C1QL2: variants seen among roughly 807,000 people sequenced by gnomAD.
C1QL2 encodes complement C1q-like protein 2.
Under a neutral mutation model 16.6 loss-of-function variants are expected in C1QL2, and 13 were observed. The observed-to-expected ratio is 0.78, with a 90% CI of 0.51 to 1.25. The LOEUF is 1.25. C1QL2 is among the 50% of genes most tolerant of loss of function. The probability of loss-of-function intolerance (pLI) is 0.00; values close to 1 mark genes in which losing one functional copy is unlikely to be tolerated. For synonymous variants in C1QL2, 210 were observed against 183.2 expected (o/e 1.15, Z -1.18); for missense variants, 396 against 409.6 (o/e 0.97, Z 0.29).
Position 119,158,738 on chromosome 2 carries a change from C to T in C1QL2, c.-469G>A, listed in dbSNP as rs1419747249. 6.6e-6 allele frequency: 1 copy of T among 152,160 alleles called. No individual in the cohort carries two copies. The highest frequency in any genetic ancestry group is 2.0e-4 in the East Asian group (1 of 5,128). The allele number at this position is 152,160 out of a possible 1,614,324, so 9.4% of individuals were successfully genotyped here. On this transcript the variant is annotated 5_prime_UTR_variant, in exon 1 of 2. Coordinates refer to ENST00000272520, the MANE Select transcript of C1QL2 (RefSeq NM_182528.4). ...CTAGCGCAGTGAGGGCGCCCCGGCT[C>T]CGCGGCGCGCTCTGCTGTGCTCTCT...
chr2:119,158,097 G>A lies in C1QL2; in HGVS notation c.173C>T (p.Ala58Val), dbSNP rs984209401. 9 of 1,529,892 alleles carry A rather than the reference G, an allele frequency of 5.9e-6. No homozygotes were observed. The highest frequency in any genetic ancestry group is 7.9e-6 in the Non-Finnish European group (9 of 1,139,562). 94.8% of individuals were successfully genotyped at this position (1,529,892 alleles called of 1,614,324 possible). Residue 58 changes from alanine (A) to valine (V), a missense_variant, in exon 1 of 2, where the codon GCC (alanine) becomes GTC (valine). Physicochemically the swap from Ala to Val is moderately conservative, Grantham distance 64. This residue lies in a region of C1QL2 where 353 missense variants were observed against 334.8 expected (regional missense o/e 1.05). Coordinates refer to ENST00000272520, the MANE Select transcript of C1QL2 (RefSeq NM_182528.4). ...KAQPPGPSTA[A>V]LEVMQDLSAN... ...GCTGAGGTCCTGCATGACTTCCAGG[G>A]CGGCGGTGCTGGGTCCGGGTGGCTG...
At chr2:119,157,465 C>T (rs1276711852) in intron 1 of C1QL2, 121 bp downstream of exon 1, 6 of 1,219,170 alleles carry the variant, frequency 4.9e-6, no homozygotes, top group South Asian at 1.4e-5. Context: ...GGCACCGAGG[C>T]GCGTTCATTC....
At position 119,158,240 on chromosome 2, in the gene C1QL2, C is replaced by A. The variant is rs1484314047; in HGVS notation, c.30G>T (p.Pro10=). The A allele has an allele frequency of 6.4e-7, 1 of 1,570,704 alleles. No homozygotes were observed. Among genetic ancestry groups the A allele is most frequent in the Middle Eastern group, 2.0e-4 (1 of 4,976 alleles). MALGLLIAV[P]LLLQAAPRGA... ...CTCGGGGCGCCGCCTGCAGCAGCAG[C>A]GGCACGGCGATGAGCAGCCCGAGCG... The change falls in exon 1 of 2, where the codon CCG becomes CCT. Residue 10 remains proline, a synonymous_variant. Coordinates refer to ENST00000272520, the MANE Select transcript of C1QL2 (RefSeq NM_182528.4).
In C1QL2 at chr2:119,158,405, C is replaced by T. The variant is rs1414779607; in HGVS notation, c.-136G>A. ...GGCGCGGGCGGCCCCGCTCCCCGCG[C>T]TCGGGGACCGGCTCCGCGGGTCCTG... On this transcript the variant is annotated 5_prime_UTR_variant, in exon 1 of 2. Coordinates refer to ENST00000272520, the MANE Select transcript of C1QL2 (RefSeq NM_182528.4). 1.2e-5 allele frequency: 8 copies of T among 691,256 alleles called. No homozygotes were observed. The highest frequency in any genetic ancestry group is 4.6e-5 in the Admixed American group (1 of 21,610). 42.8% of individuals were successfully genotyped at this position (691,256 alleles called of 1,614,324 possible). A position where few individuals can be genotyped will look rare whatever the true frequency, so the allele number is the denominator to read the frequency against.
At position 119,158,373 on chromosome 2, in the gene C1QL2, G is replaced by C. The variant is rs1678003165; in HGVS notation, c.-104C>G. The C allele has an allele frequency of 7.7e-6, 8 of 1,041,808 alleles. No homozygotes were observed. In the South Asian group the frequency reaches 2.8e-4, roughly 37 times the overall value. 64.5% of individuals were successfully genotyped at this position (1,041,808 alleles called of 1,614,324 possible). The stretch of plus-strand genomic sequence containing the variant: ...CTCCTTGCCGCCCGGGGAGGTAATG[G>C]TGGGGCGGCGCGGGCGGCCCCGCTC... On this transcript the variant is annotated 5_prime_UTR_variant, in exon 1 of 2. Transcript: ENST00000272520.
chr2:119,157,456 G>T, intron 1 of C1QL2, 130 bp downstream of exon 1: 1 of 1,138,396 alleles, frequency 8.8e-7, no homozygotes, highest in Non-Finnish European at 1.3e-6. Context: ...AGATACTGTG[G>T]CACCGAGGCG....
At position 119,158,136 on chromosome 2, in the gene C1QL2, G is replaced by C; in HGVS notation, c.134C>G (p.Pro45Arg). 6.4e-7 allele frequency: 1 copy of C among 1,553,440 alleles called. No homozygotes were observed. ...PYTAAPGGEPPGAKAQPPGPS... is the reference protein window; with the variant it reads ...PYTAAPGGEPRGAKAQPPGPS... The stretch of plus-strand genomic sequence containing the variant: ...TCCGGGTGGCTGCGCCTTTGCACCC[G>C]GGGGCTCCCCGCCGGGCGCGGCAGT... Residue 45 changes from proline (P) to arginine (R), a missense_variant, in exon 1 of 2, where the codon CCG (proline) becomes CGG (arginine). Around this residue, in one of 2 missense-constraint regions of C1QL2, gnomAD observed 353 missense variants for 334.8 expected, o/e 1.05. Transcript: ENST00000272520.
Position 119,156,723 on chromosome 2 carries a change from G to C in C1QL2, c.*79C>G. ...GATGTCAGGAAGTGTTATGAATCGA[G>C]AGTGGCCTTTGCCAAGGAGCCGCGC... On this transcript the variant is annotated 3_prime_UTR_variant, in exon 2 of 2. Coordinates refer to ENST00000272520, the MANE Select transcript of C1QL2 (RefSeq NM_182528.4). 1 of 1,458,948 alleles carries C rather than the reference G, an allele frequency of 6.9e-7. No homozygotes were observed. Among genetic ancestry groups the C allele is most frequent in the Non-Finnish European group, 9.3e-7 (1 of 1,072,222 alleles). The allele number at this position is 1,458,948 out of a possible 1,614,324, so 90.4% of individuals were successfully genotyped here.
In C1QL2 at chr2:119,156,514, T is replaced by C. The variant is rs930820084; in HGVS notation, c.*288A>G. 7.0e-6 allele frequency: 2 copies of C among 286,130 alleles called. No homozygotes were observed. Among genetic ancestry groups the C allele is most frequent in the Non-Finnish European group, 1.3e-5 (2 of 152,916 alleles). 17.7% of individuals were successfully genotyped at this position (286,130 alleles called of 1,614,324 possible). On this transcript the variant is annotated 3_prime_UTR_variant, in exon 2 of 2. Transcript: ENST00000272520. The stretch of plus-strand genomic sequence containing the variant: ...TCTGAGGAGGGCAGGCTCCCGGCCC[T>C]GCCTGTCCAGTCTAATCAGGTTTGC...
rs1678005410 is a variant in C1QL2, at chr2:119,158,492, C to G, written c.-223G>C. 1 of 300,484 alleles carries G rather than the reference C, an allele frequency of 3.3e-6. No homozygotes were observed. Among genetic ancestry groups the G allele is most frequent in the Non-Finnish European group, 6.0e-6 (1 of 165,574 alleles). The allele number at this position is 300,484 out of a possible 1,614,324, so 18.6% of individuals were successfully genotyped here. A position where few individuals can be genotyped will look rare whatever the true frequency, so the allele number is the denominator to read the frequency against. On this transcript the variant is annotated 5_prime_UTR_variant, in exon 1 of 2. Transcript: ENST00000272520. Reference sequence around the variant, plus strand: ...ACCCAACTACTTCAGCGAGAGGCGCCGGGACCTCTGAGCCTGGGCCCACCG... The same window carrying G: ...ACCCAACTACTTCAGCGAGAGGCGCGGGGACCTCTGAGCCTGGGCCCACCG...
At position 119,156,464 on chromosome 2, in the gene C1QL2, G is replaced by A. The variant is rs1677962328; in HGVS notation, c.*338C>T. The A allele has an allele frequency of 5.3e-6, 1 of 188,084 alleles. No individual in the cohort carries two copies. The highest frequency in any genetic ancestry group is 1.1e-5 in the Non-Finnish European group (1 of 91,738). 11.7% of individuals were successfully genotyped at this position (188,084 alleles called of 1,614,324 possible). ...CCCTGGCCAGGGCCCGGAGCCCTCC[G>A]CTTCTAGGCACTGGGAGGAGGCTGT... On this transcript the variant is annotated 3_prime_UTR_variant, in exon 2 of 2. Coordinates refer to ENST00000272520, the MANE Select transcript of C1QL2 (RefSeq NM_182528.4).
Position 119,158,145 on chromosome 2 carries a change from C to G in C1QL2, c.125G>C (p.Gly42Ala). 1.3e-6 allele frequency: 2 copies of G among 1,563,306 alleles called. No individual in the cohort carries two copies. Among genetic ancestry groups the G allele is most frequent in the Non-Finnish European group, 1.7e-6 (2 of 1,157,356 alleles). Residue 42 changes from glycine to alanine, a missense_variant, in exon 1 of 2, where the codon GGG becomes GCG. Transcript: ENST00000272520. ...CTGCGCCTTTGCACCCGGGGGCTCC[C>G]CGCCGGGCGCGGCAGTGTAAGGGTC... is the stretch of plus-strand genomic sequence containing the variant. ...ICDPYTAAPG[G>A]EPPGAKAQPP...
rs1677988538 is a variant in C1QL2, at chr2:119,157,867, C to T, written c.403G>A (p.Gly135Arg). ...TASGVGVVGG[G>R]AGVGGDSEGE... ...TCGGAATCGCCACCTACCCCGGCCC[C>T]GCCGCCCACCACCCCGACGCCGCTG... The change falls in exon 1 of 2, where the codon GGG becomes AGG. Residue 135 changes from glycine to arginine, a missense_variant. Gly to Arg is a moderately radical substitution (Grantham distance 125). Transcript: ENST00000272520. The T allele has an allele frequency of 6.3e-7, 1 of 1,583,420 alleles. No homozygotes were observed. Among genetic ancestry groups the T allele is most frequent in the Non-Finnish European group, 8.6e-7 (1 of 1,165,632 alleles).
Position 119,157,943 on chromosome 2 carries a change from G to A in C1QL2, c.327C>T (p.Gly109=). ...CTGGCAGCCCGGGCCGCCCCGAGTC[G>A]CCCTTCTCTCCCGGAGGGCCCCTGG... The part of the protein sequence containing the change: ...PGPRGPPGEK[G]DSGRPGLPGL... Residue 109 remains glycine (G), a synonymous_variant, in exon 1 of 2, where the codon GGC becomes GGT. Transcript: ENST00000272520. The A allele has an allele frequency of 5.8e-6, 9 of 1,538,940 alleles. No homozygotes were observed. Among genetic ancestry groups the A allele is most frequent in the Non-Finnish European group, 7.9e-6 (9 of 1,140,808 alleles).
rs1263212104 is a variant in C1QL2 at position 119,156,402 on chromosome 2, G to T, written c.*400C>A. On this transcript the variant is annotated 3_prime_UTR_variant, in exon 2 of 2. Transcript: ENST00000272520. ...ACAAGTATTTCGGGTCACAAAGAAGGACGCCCCAGGAAGCCCGCGCTCCCT... is the reference window on the plus strand; with the variant it reads ...ACAAGTATTTCGGGTCACAAAGAAGTACGCCCCAGGAAGCCCGCGCTCCCT... The T allele has an allele frequency of 6.1e-6, 1 of 164,080 alleles. No individual in the cohort carries two copies. The highest frequency in any genetic ancestry group is 1.3e-5 in the Non-Finnish European group (1 of 76,052). 10.2% of individuals were successfully genotyped at this position (164,080 alleles called of 1,614,324 possible).
At position 119,158,375 on chromosome 2, in the gene C1QL2, G is replaced by A. The variant is rs887970431; in HGVS notation, c.-106C>T. Reference sequence around the variant, plus strand: ...CCTTGCCGCCCGGGGAGGTAATGGTGGGGCGGCGCGGGCGGCCCCGCTCCC... The same window carrying A: ...CCTTGCCGCCCGGGGAGGTAATGGTAGGGCGGCGCGGGCGGCCCCGCTCCC... On this transcript the variant is annotated 5_prime_UTR_variant, in exon 1 of 2. Transcript: ENST00000272520. 2 of 1,012,782 alleles carry A rather than the reference G, an allele frequency of 2.0e-6. No homozygotes were observed. Among genetic ancestry groups the A allele is most frequent in the African/African-American group, 1.7e-5 (1 of 58,994 alleles). The allele number at this position is 1,012,782 out of a possible 1,614,324, so 62.7% of individuals were successfully genotyped here.
chr2:119,157,499 G>A, intron 1 of C1QL2, 87 bp downstream of exon 1: 3 of 1,480,970 alleles, frequency 2.0e-6, no homozygotes, highest in South Asian at 1.2e-5. Flanking sequence ...GGTAGCCCGC[G>A]GGTGGAGAGA....
chr2:119,157,049 AG>A, intron 1 of C1QL2, 68 bp from the exon 2 acceptor site: 3 of 1,559,822 alleles, frequency 1.9e-6, no homozygotes, highest in Non-Finnish European at 2.6e-6. Context: ...AGCCCACACC[AG>A]GCGCGCCACT....
At position 119,158,384 on chromosome 2, in the gene C1QL2, C is replaced by T; in HGVS notation, c.-115G>A. 3.3e-6 allele frequency: 3 copies of T among 913,184 alleles called. No homozygotes were observed. The highest frequency in any genetic ancestry group is 4.3e-6 in the Non-Finnish European group (3 of 700,196). The allele number at this position is 913,184 out of a possible 1,614,324, so 56.6% of individuals were successfully genotyped here. The stretch of plus-strand genomic sequence containing the variant: ...CCGGGGAGGTAATGGTGGGGCGGCG[C>T]GGGCGGCCCCGCTCCCCGCGCTCGG... On this transcript the variant is annotated 5_prime_UTR_variant, in exon 1 of 2. Coordinates refer to ENST00000272520, the MANE Select transcript of C1QL2 (RefSeq NM_182528.4).
Sources: allele counts gnomAD v4.1 joint callset, GRCh38; gene constraint gnomAD v4.1.1; regional missense constraint gnomAD v4.1.1; transcripts MANE v1.5; gene names NCBI Gene and HGNC (gene_info 2026-07-23, HGNC 2026-07-21).